The following ADH1C variants were observed in gnomAD, a reference collection of about 807,000 sequenced individuals.
ADH1C encodes the protein alcohol dehydrogenase 1C (class I), gamma polypeptide.
Under a neutral mutation model 35.0 loss-of-function variants are expected in ADH1C, and 26 were observed. That is an observed-to-expected ratio of 0.74 (90% CI 0.54 to 1.03). The LOEUF (loss-of-function observed/expected upper bound fraction) is 1.03. Ranked by LOEUF, ADH1C falls within the 50% of genes least tolerant of loss-of-function variation. The probability of loss-of-function intolerance (pLI) is 0.00; values close to 1 mark genes in which losing one functional copy is unlikely to be tolerated. For missense variants in ADH1C, 413 were observed against 465.4 expected (o/e 0.89, Z 1.04); for synonymous variants, 170 against 169.3 (o/e 1.00, Z -0.03).
chr4:99,350,453 C>T (rs1789923), intron 1 of ADH1C, among the ~76,000 whole-genome samples: 35,385 of 152,020 alleles, frequency 0.23, 4,899 homozygotes, highest in Non-Finnish European at 0.31. Flanking sequence ...TTTGTATCCT[C>T]ATAGCTTAGC....
Position 99,339,619 on chromosome 4 carries a change from T to C in ADH1C, c.1061A>G (p.Glu354Gly), listed in dbSNP as rs540917301. ...CAGGTCAAATCCTTCATTTATTTTT[T>C]CAAAAGGTAAAATATTTGTTATTAA... ...DALITNILPF[E>G]KINEGFDLLR... The change falls in exon 8 of 9, where the codon GAA (glutamate) becomes GGA (glycine). Residue 354 changes from glutamate (E) to glycine (G), a missense_variant. By Grantham distance (98) the Glu-to-Gly change is moderately conservative. Coordinates refer to ENST00000515683, the MANE Select transcript of ADH1C (RefSeq NM_000669.5). 6.2e-7 allele frequency: 1 copy of C among 1,606,630 alleles called. No homozygotes were observed. The highest frequency in any genetic ancestry group is 2.2e-5 in the East Asian group (1 of 44,738).
rs375107720 is a variant in ADH1C, at chr4:99,342,813, G to A, written c.810C>T (p.Ile270=). 4 of 1,613,860 alleles carry A rather than the reference G, an allele frequency of 2.5e-6. No homozygotes were observed. Among genetic ancestry groups the A allele is most frequent in the East Asian group, 2.2e-5 (1 of 44,900 alleles). Residue 270 remains isoleucine (I), a synonymous_variant, in exon 6 of 9, where the codon ATC becomes ATT. Coordinates refer to ENST00000515683, the MANE Select transcript of ADH1C (RefSeq NM_000669.5). ...DGGVDFSFEV[I]GRLDTMMASL... is the part of the protein sequence containing the mutation. Reference sequence around the variant, plus strand: ...ATCATACCATGGTGTCAAGCCGACCGATGACTTCAAACGAAAAATCCACAC... The same window carrying A: ...ATCATACCATGGTGTCAAGCCGACCAATGACTTCAAACGAAAAATCCACAC...
intron 7 of ADH1C, 95 bp from the exon 8 acceptor site, chr4:99,339,810 G>T: frequency 7.9e-7 from 1 of 1,267,320 alleles, no homozygotes; most frequent in South Asian, 1.3e-5. Context: ...TAGAAAAAGT[G>T]CTGCATTCCA....
intron 8 of ADH1C, among the ~76,000 whole-genome samples, chr4:99,339,328 C>A (rs776072777): frequency 1.3e-5 from 2 of 152,118 alleles, no homozygotes; most frequent in Non-Finnish European, 2.9e-5. Context: ...TGACTCTGAT[C>A]ATTCAGTTAT....
intron 7 of ADH1C, among the ~76,000 whole-genome samples, chr4:99,340,197 T>A (rs1734379256): frequency 6.6e-6 from 1 of 152,034 alleles, no homozygotes; most frequent in African/African-American, 2.4e-5. Flanking sequence ...GGCAGGCAGA[T>A]CATTTGAGGT....
Position 99,343,421 on chromosome 4 carries a change from T to G in ADH1C, c.568-366A>C, listed in dbSNP as rs34250750. ...ATGATCTTTGAGATCCAGATGACAG[T>G]GATTACAATCTTGTAGGGACTCTCA... On this transcript the variant is annotated intron_variant, in intron 5 of 8. Coordinates refer to ENST00000515683, the MANE Select transcript of ADH1C (RefSeq NM_000669.5). Among the ~76,000 whole-genome samples, 1,266 of 152,326 alleles carry G rather than the reference T, an allele frequency of 8.3e-3. 4 individuals are homozygous for G. Among genetic ancestry groups the G allele is most frequent in the Non-Finnish European group, 0.012 (822 of 68,032 alleles).
Position 99,347,158 on chromosome 4 carries a change from A to C in ADH1C, c.121-14T>G, listed in dbSNP as rs1734555066. 1.2e-6 allele frequency: 2 copies of C among 1,608,578 alleles called. No individual in the cohort carries two copies. Among genetic ancestry groups the C allele is most frequent in the Non-Finnish European group, 1.7e-6 (2 of 1,178,538 alleles). Reference sequence around the variant, plus strand: ...TGCAGCCACCATCTACAGAATAAAGAGAAGATGTTTAGATTCAGAAAAGAT... The same window carrying C: ...TGCAGCCACCATCTACAGAATAAAGCGAAGATGTTTAGATTCAGAAAAGAT... On this transcript the variant is annotated splice_polypyrimidine_tract_variant and intron_variant, in intron 2 of 8. Coordinates refer to ENST00000515683, the MANE Select transcript of ADH1C (RefSeq NM_000669.5).
At chr4:99,345,299 T>A (rs1391897116) in intron 3 of ADH1C, 33 bp from the exon 4 acceptor site, 1 of 1,582,960 alleles carries the variant, frequency 6.3e-7, no homozygotes, top group Non-Finnish European at 8.6e-7. Flanking sequence ...CTTCTTAAAT[T>A]TCTATGCAGG....
In ADH1C at chr4:99,340,598, G is replaced by A. The variant is rs778107991; in HGVS notation, c.941C>T (p.Thr314Met). ...INPMLLLTGR[T>M]WKGAIFGGFK... ...ACCTCCAAAAATAGCTCCTTTCCAC[G>A]TGCGTCCAGTCAGTAGCAGCATAGG... The change falls in exon 7 of 9, where the codon ACG becomes ATG. Residue 314 changes from threonine to methionine, a missense_variant. Coordinates refer to ENST00000515683, the MANE Select transcript of ADH1C (RefSeq NM_000669.5). The A allele has an allele frequency of 1.2e-5, 19 of 1,613,888 alleles. No homozygotes were observed. The highest frequency in any genetic ancestry group is 5.3e-5 in the African/African-American group (4 of 74,878).
intron 1 of ADH1C, among the ~76,000 whole-genome samples, chr4:99,349,382 AT>A (rs1022024248): frequency 3.3e-5 from 5 of 151,100 alleles, no homozygotes; most frequent in African/African-American, 4.9e-5. Context: ...TATTCTTTTG[AT>A]TTTTTTTTCT....
chr4:99,347,230 A>T, intron 2 of ADH1C, 86 bp from the exon 3 acceptor site: 1 of 1,475,190 alleles, frequency 6.8e-7, no homozygotes, highest in Non-Finnish European at 9.1e-7. Flanking sequence ...TAAAATTGTT[A>T]TTCAAAAATA....
intron 1 of ADH1C, among the ~76,000 whole-genome samples, chr4:99,349,245 G>T (rs1471820156): frequency 6.8e-6 from 1 of 147,662 alleles, no homozygotes; most frequent in Non-Finnish European, 1.5e-5. Context: ...TTCTTCTAGG[G>T]TTTTTATGGT....
chr4:99,347,169 A>G (rs1335599682), intron 2 of ADH1C, 25 bp from the exon 3 acceptor site: 1 of 1,604,232 alleles, frequency 6.2e-7, no homozygotes, highest in Non-Finnish European at 8.5e-7. Flanking sequence ...GAAGATGTTT[A>G]GATTCAGAAA....
At chr4:99,344,620 C>T (rs1222798255) in intron 5 of ADH1C, among the ~76,000 whole-genome samples, 2 of 152,138 alleles carry the variant, frequency 1.3e-5, no homozygotes, top group Admixed American at 6.5e-5. Context: ...ATCCCATAAA[C>T]AGCAAATTCA....
chr4:99,345,890 G>A (rs532083811), intron 3 of ADH1C, among the ~76,000 whole-genome samples: 1 of 152,248 alleles, frequency 6.6e-6, no homozygotes, highest in South Asian at 2.1e-4. Flanking sequence ...TCCACAACAA[G>A]TTAGACACTT....
intron 6 of ADH1C, among the ~76,000 whole-genome samples, chr4:99,342,151 C>T (rs566293476): frequency 3.3e-5 from 5 of 152,268 alleles, no homozygotes; most frequent in Admixed American, 6.5e-5. Context: ...ATAAACAATG[C>T]CATGAGATAT....
chr4:99,344,450 G>C (rs1233039956), intron 5 of ADH1C, among the ~76,000 whole-genome samples: 1 of 152,142 alleles, frequency 6.6e-6, no homozygotes, highest in Non-Finnish European at 1.5e-5. Context: ...TGGGAGGAGA[G>C]GATCCACAGA....
At position 99,344,998 on chromosome 4, in the gene ADH1C, A is replaced by G; in HGVS notation, c.431T>C (p.Val144Ala). ...CACTGTGTACTGGGAGAAGGTGCTG[A>G]CGCCGACGAAGTGGTGGATGGGCTT... is the stretch of plus-strand genomic sequence containing the variant. ...SGKPIHHFVG[V>A]STFSQYTVVD... Residue 144 changes from valine to alanine, a missense_variant, in exon 5 of 9, where the codon GTC becomes GCC. By Grantham distance (64) the Val-to-Ala change is moderately conservative (BLOSUM62 0). Transcript: ENST00000515683. 1 of 1,614,064 alleles carries G rather than the reference A, an allele frequency of 6.2e-7. No homozygotes were observed.
chr4:99,349,304 A>G (rs888716582), intron 1 of ADH1C, among the ~76,000 whole-genome samples: 9 of 151,310 alleles, frequency 5.9e-5, no homozygotes, highest in African/African-American at 1.9e-4. Context: ...TAATTTTTGT[A>G]TAAGGTGTAA....
Sources: allele counts gnomAD v4.1 joint callset (sites outside exome capture counted in the v4.1 genomes callset), GRCh38; gene constraint gnomAD v4.1.1; transcripts MANE v1.5; gene names NCBI Gene and HGNC (gene_info 2026-07-23, HGNC 2026-07-21).